The following SMC6 variants were observed in gnomAD, a reference collection of about 807,000 sequenced individuals.
The protein encoded by SMC6 is structural maintenance of chromosomes 6, also known as structural maintenance of chromosomes protein 6.
In SMC6, 79 loss-of-function variants were observed where a neutral mutation model predicts 142.2. That is an observed-to-expected ratio of 0.56 (90% CI 0.46 to 0.67). The LOEUF (loss-of-function observed/expected upper bound fraction) is 0.67. SMC6 is among the 30% of genes least tolerant of loss of function. The pLI, the probability that SMC6 is intolerant of heterozygous loss-of-function variation, is 0.00. For missense variants in SMC6, 1,072 were observed against 1,284.0 expected, an observed-to-expected ratio of 0.83 and a Z score of 2.52; for synonymous variants, 411 against 412.4, an observed-to-expected ratio of 1.00 and a Z score of 0.04.
intron 25 of SMC6, among the ~76,000 whole-genome samples, chr2:17,677,153 T>C (rs949819038): frequency 2.0e-5 from 3 of 152,190 alleles, no homozygotes; most frequent in African/African-American, 4.8e-5. Flanking sequence ...GCAGTCTTTA[T>C]TACCTTATGC....
intron 3 of SMC6, among the ~76,000 whole-genome samples, chr2:17,744,083 G>A (rs768454377): frequency 1.7e-4 from 26 of 152,166 alleles, no homozygotes; most frequent in Non-Finnish European, 3.2e-4. Context: ...CAACTCCTTT[G>A]GGTAAATACT....
intron 25 of SMC6, 107 bp from the exon 26 acceptor site, chr2:17,670,682 G>C: frequency 9.0e-7 from 1 of 1,110,536 alleles, no homozygotes; most frequent in Non-Finnish European, 1.2e-6. Flanking sequence ...AAAGGAGATG[G>C]GAATAAAATG....
At chr2:17,747,988 G>T (rs1033091425) in intron 2 of SMC6, among the ~76,000 whole-genome samples, 1 of 152,176 alleles carries the variant, frequency 6.6e-6, no homozygotes, top group East Asian at 1.9e-4. Context: ...TAGATCCCTT[G>T]CAAGAGTCTC....
At chr2:17,747,867 AT>A (rs1327587410) in intron 2 of SMC6, among the ~76,000 whole-genome samples, 1 of 152,214 alleles carries the variant, frequency 6.6e-6, no homozygotes, top group African/African-American at 2.4e-5. Flanking sequence ...CAGCAATGAC[AT>A]CTCACAAGCC....
At chr2:17,725,995 C>A (rs1221527584) in intron 8 of SMC6, among the ~76,000 whole-genome samples, 1 of 142,326 alleles carries the variant, frequency 7.0e-6, no homozygotes, top group Admixed American at 7.6e-5. Flanking sequence ...GGCTGAGGCA[C>A]GAAAATCACT....
At chr2:17,714,743 G>T (rs1572315893) in intron 16 of SMC6, 118 bp downstream of exon 16, 1 of 1,046,640 alleles carries the variant, frequency 9.6e-7, no homozygotes, top group South Asian at 1.5e-5. Flanking sequence ...AAAGTGGCTT[G>T]ATGAAATTTT....
chr2:17,739,897 C>CACACACACACAA (rs1167010464), intron 4 of SMC6, among the ~76,000 whole-genome samples: 1 of 146,066 alleles, frequency 6.8e-6, no homozygotes, highest in Non-Finnish European at 1.5e-5. Flanking sequence ...CACACACACA[C>CACACACACACAA]ACACACACAC....
At chr2:17,719,261 T>C (rs1250714121) in intron 11 of SMC6, among the ~76,000 whole-genome samples, 1 of 152,196 alleles carries the variant, frequency 6.6e-6, no homozygotes, top group Admixed American at 6.5e-5. Flanking sequence ...ACATAATTCA[T>C]ATTATTTTTC....
rs1285594512 is a variant in SMC6 at position 17,752,977 on chromosome 2, C to T, written c.-6+1G>A. 1 of 980,534 alleles carries T rather than the reference C, an allele frequency of 1.0e-6. No individual in the cohort carries two copies. Among genetic ancestry groups the T allele is most frequent in the South Asian group, 4.7e-5 (1 of 21,206 alleles). 60.7% of individuals were successfully genotyped at this position (980,534 alleles called of 1,614,324 possible). On this transcript the variant is annotated splice_donor_variant, in intron 2 of 27. Transcript: ENST00000448223. LOFTEE classifies it low-confidence loss of function (5UTR_SPLICE). ...TGCTCTAAGAATTTTCACAGTATTA[C>T]CTCAAACCCTATTGGTTCTACAACC...
intron 5 of SMC6, among the ~76,000 whole-genome samples, chr2:17,735,865 G>A (rs776708736): frequency 2.0e-5 from 3 of 152,128 alleles, no homozygotes; most frequent in Non-Finnish European, 4.4e-5. Flanking sequence ...TCCCAAGAAA[G>A]GAGGCCCACA....
At chr2:17,673,563 T>A (rs1012536617) in intron 25 of SMC6, among the ~76,000 whole-genome samples, 20 of 149,134 alleles carry the variant, frequency 1.3e-4, no homozygotes, top group East Asian at 1.2e-3. Context: ...TAAAAAAAAA[T>A]TTTTTTTTTT....
intron 24 of SMC6, chr2:17,681,305 A>G (rs551914267): frequency 1.3e-5 from 2 of 152,336 alleles, no homozygotes; most frequent in South Asian, 4.1e-4. Context: ...AACTTTCTTC[A>G]TATCAACAAT....
chr2:17,691,417 A>G (rs892875971), intron 23 of SMC6, among the ~76,000 whole-genome samples: 44 of 148,678 alleles, frequency 3.0e-4, no homozygotes, highest in African/African-American at 1.1e-3. Context: ...GGTTGATTAC[A>G]TATCTTGGCT....
chr2:17,695,153 T>G lies in SMC6; in HGVS notation c.2677A>C (p.Arg893=), dbSNP rs35604590. Residue 893 remains arginine (R), a splice_region_variant and synonymous_variant, in exon 23 of 28, where the codon AGG becomes CGG. Transcript: ENST00000448223. ...ASHGDREEIM[R]QYQEARETYL... ...GCAGAAAAGCTACCAGCTACTTACC[T>G]CATTATTTCCTCTCGATCTCCATGA... 1.9e-3 allele frequency: 2,986 copies of G among 1,612,886 alleles called. 8 individuals carry two copies. Among genetic ancestry groups the G allele is most frequent in the Middle Eastern group, 3.0e-3 (18 of 6,048 alleles).
chr2:17,731,560 A>G (rs1257929530), intron 6 of SMC6, among the ~76,000 whole-genome samples, 181 bp downstream of exon 6: 3 of 152,176 alleles, frequency 2.0e-5, no homozygotes, highest in Non-Finnish European at 4.4e-5. Context: ...TGGTGCTATA[A>G]TATCCTGGGG....
At chr2:17,716,973 A>C in intron 13 of SMC6, 68 bp from the exon 14 acceptor site, 1 of 1,534,642 alleles carries the variant, frequency 6.5e-7, no homozygotes, top group South Asian at 1.2e-5. Flanking sequence ...AAGAACACAA[A>C]CCGATGTAAT....
chr2:17,726,389 T>C lies in SMC6; in HGVS notation c.624A>G (p.Lys208=). 6.2e-7 allele frequency: 1 copy of C among 1,608,934 alleles called. No homozygotes were observed. The highest frequency in any genetic ancestry group is 8.5e-7 in the Non-Finnish European group (1 of 1,177,734). The part of the protein sequence containing the change: ...LQSKNEGDKY[K]FFMKATQLEQ... The stretch of plus-strand genomic sequence containing the variant: ...TTATATTTACTTTGGTGCCACTTAC[T>C]TTGTATTTGTCTCCTTCATTTTTAG... Residue 208 remains lysine, a splice_region_variant and synonymous_variant, in exon 8 of 28, where the codon AAA becomes AAG. Coordinates refer to ENST00000448223, the MANE Select transcript of SMC6 (RefSeq NM_001142286.2).
At position 17,708,743 on chromosome 2, in the gene SMC6, G is replaced by A; in HGVS notation, c.1741C>T (p.His581Tyr). The stretch of plus-strand genomic sequence containing the variant: ...GTCAGAACTGTTGGAAAGTCTGGAT[G>A]ATAAGCAGCTCTAGGAGACAAAAAT... ...IYDVRHRAAYHPDFPTVLTAL... is the reference protein window; with the variant it reads ...IYDVRHRAAYYPDFPTVLTAL... Residue 581 changes from histidine (H) to tyrosine (Y), a missense_variant, in exon 17 of 28, where the codon CAT (histidine) becomes TAT (tyrosine). Physicochemically the swap from His to Tyr is moderately conservative, Grantham distance 83. This residue lies in a region of SMC6 where 994 missense variants were observed against 1,153.2 expected (regional missense o/e 0.86). Coordinates refer to ENST00000448223, the MANE Select transcript of SMC6 (RefSeq NM_001142286.2). 3 of 1,529,548 alleles carry A rather than the reference G, an allele frequency of 2.0e-6. No homozygotes were observed. Among genetic ancestry groups the A allele is most frequent in the Middle Eastern group, 3.5e-4 (2 of 5,778 alleles). The allele number at this position is 1,529,548 out of a possible 1,614,324, so 94.7% of individuals were successfully genotyped here.
At chr2:17,731,025 TA>T in intron 7 of SMC6, 52 bp downstream of exon 7, 3 of 1,434,068 alleles carry the variant, frequency 2.1e-6, no homozygotes, top group Non-Finnish European at 2.0e-6. Context: ...GAAATCGCAC[TA>T]AAAAAATGAC....
Sources: allele counts gnomAD v4.1 joint callset (sites outside exome capture counted in the v4.1 genomes callset), GRCh38; gene constraint gnomAD v4.1.1; regional missense constraint gnomAD v4.1.1; transcripts MANE v1.5; gene names NCBI Gene and HGNC (gene_info 2026-07-23, HGNC 2026-07-21).